The following RUNX1T1 variants were observed in gnomAD, a reference collection of about 807,000 sequenced individuals.
The protein encoded by RUNX1T1 is RUNX1 partner transcriptional co-repressor 1.
Under a neutral mutation model 62.8 loss-of-function variants are expected in RUNX1T1, and 4 were observed. That is an observed-to-expected ratio of 0.06 (90% confidence interval 0.03 to 0.15). RUNX1T1 has a LOEUF of 0.15. RUNX1T1 is among the 10% of genes least tolerant of loss of function. The probability of loss-of-function intolerance (pLI) is 1.00; values close to 1 mark genes in which losing one functional copy is unlikely to be tolerated. For missense variants in RUNX1T1, 508 were observed against 754.3 expected (o/e 0.67, Z 3.82); for synonymous variants, 291 against 286.0 (o/e 1.02, Z -0.18).
chr8:91,963,060 A>G (rs1254011797), intron 10 of RUNX1T1, among the ~76,000 whole-genome samples: 1 of 152,164 alleles, frequency 6.6e-6, no homozygotes, highest in Non-Finnish European at 1.5e-5. Context: ...GGGCTTCTTT[A>G]TTTTTTAAAG....
chr8:92,095,044 T>TC, intron 1 of RUNX1T1: 1 of 1,535,548 alleles, frequency 6.5e-7, no homozygotes, highest in Non-Finnish European at 8.7e-7. Context: ...GAGTCCTGTC[T>TC]GGATAGCAGA....
At chr8:91,990,797 A>G (rs952562124) in intron 6 of RUNX1T1, among the ~76,000 whole-genome samples, 5 of 152,072 alleles carry the variant, frequency 3.3e-5, no homozygotes, top group Non-Finnish European at 5.9e-5. Flanking sequence ...AGCTGGGGCT[A>G]GAGGCATGCA....
intron 1 of RUNX1T1, among the ~76,000 whole-genome samples, chr8:92,097,621 A>T (rs924119894): frequency 2.6e-5 from 4 of 152,192 alleles, no homozygotes; most frequent in African/African-American, 7.2e-5. Context: ...TATTTTTTTA[A>T]AAAAAATTGC....
intron 5 of RUNX1T1, among the ~76,000 whole-genome samples, chr8:91,995,076 CTCTTA>C (rs1251526489): frequency 6.6e-6 from 1 of 152,062 alleles, no homozygotes; most frequent in Non-Finnish European, 1.5e-5. Context: ...AGAAAATATC[CTCTTA>C]TCTTAGGGCA....
intron 1 of RUNX1T1, among the ~76,000 whole-genome samples, chr8:92,029,966 C>T (rs1825928988): frequency 6.6e-6 from 1 of 152,192 alleles, no homozygotes; most frequent in African/African-American, 2.4e-5. Context: ...AGTCATTCCC[C>T]TATTTAAAGT....
At chr8:92,048,588 T>C (rs927286127) in intron 1 of RUNX1T1, among the ~76,000 whole-genome samples, 1 of 150,430 alleles carries the variant, frequency 6.6e-6, no homozygotes, top group African/African-American at 2.5e-5. Flanking sequence ...AAGGGAGGGG[T>C]GGGGAAAAGT....
At position 92,014,774 on chromosome 8, in the gene RUNX1T1, G is replaced by A. The variant is rs762525955; in HGVS notation, c.192C>T (p.Pro64=). 9.4e-5 allele frequency: 151 copies of A among 1,613,782 alleles called. No homozygotes were observed. Among genetic ancestry groups the A allele is most frequent in the South Asian group, 3.7e-4 (34 of 91,070 alleles). Residue 64 remains proline (P), a synonymous_variant, in exon 3 of 11, where the codon CCC becomes CCT. Transcript: ENST00000396218. ...CATTGCTGAAGCCATTGGGTGGTGA[G>A]GGGGCGCCATTCAAGGCTGTAGGAG...
rs1394920440 is a variant in RUNX1T1 at position 92,060,547 on chromosome 8, A to ATG, written c.7+1998_7+1999insCA. Among the ~76,000 whole-genome samples the ATG allele has an allele frequency of 1.8e-4, 19 of 102,788 alleles. No homozygotes were observed. The East Asian group carries it at 1.9e-3, about 10-fold the overall frequency. 67.4% of individuals were successfully genotyped at this position (102,788 alleles called of 152,430 possible). A position where few individuals can be genotyped will look rare whatever the true frequency, so the allele number is the denominator to read the frequency against. On this transcript the variant is annotated intron_variant, in intron 1 of 10. Transcript: ENST00000396218. ...AATATATATATATATATATATATAT[A>ATG]TATATATGTGTGTGTGTGTGTGTGT...
At chr8:91,986,847 C>T (rs1161564319) in intron 7 of RUNX1T1, 40 bp downstream of exon 8, 2 of 1,341,854 alleles carry the variant, frequency 1.5e-6, no homozygotes. Context: ...CAGTTGTTTT[C>T]CAAACATTTT....
intron 3 of RUNX1T1, among the ~76,000 whole-genome samples, chr8:92,013,391 T>C (rs1822358263): frequency 6.6e-6 from 1 of 152,214 alleles, no homozygotes; most frequent in South Asian, 2.1e-4. Context: ...GCAAAATCTC[T>C]GTCAAATGTG....
At chr8:91,997,281 T>A (rs1818890021) in intron 5 of RUNX1T1, among the ~76,000 whole-genome samples, 1 of 152,064 alleles carries the variant, frequency 6.6e-6, no homozygotes, top group Non-Finnish European at 1.5e-5. Flanking sequence ...AAATCCATCA[T>A]AAAATCATGA....
intron 1 of RUNX1T1, among the ~76,000 whole-genome samples, chr8:92,033,743 G>A (rs1826704031): frequency 1.3e-5 from 2 of 152,124 alleles, no homozygotes; most frequent in African/African-American, 4.8e-5. Flanking sequence ...AGGCTGAAGC[G>A]GGCGGATCAT....
chr8:91,972,066 A>T (rs1421499242), intron 9 of RUNX1T1, among the ~76,000 whole-genome samples: 1 of 152,190 alleles, frequency 6.6e-6, no homozygotes, highest in African/African-American at 2.4e-5. Flanking sequence ...GACATGTTTC[A>T]TTCAAGTGTT....
chr8:91,981,546 C>T (rs1563661417), intron 8 of RUNX1T1, among the ~76,000 whole-genome samples: 1 of 150,764 alleles, frequency 6.6e-6, no homozygotes, highest in Non-Finnish European at 1.5e-5. Flanking sequence ...TCCCGAGTAG[C>T]TGGGACTACA....
At chr8:91,973,780 A>C (rs1203808154) in intron 9 of RUNX1T1, among the ~76,000 whole-genome samples, 1 of 152,058 alleles carries the variant, frequency 6.6e-6, no homozygotes, top group African/African-American at 2.4e-5. Context: ...ATAAAGATAA[A>C]TATTATAAGT....
At chr8:91,971,029 C>G (rs1357893784) in intron 9 of RUNX1T1, 181 bp from the exon 11 acceptor site, 1 of 455,638 alleles carries the variant, frequency 2.2e-6, no homozygotes, top group Non-Finnish European at 3.8e-6. Context: ...AGCCTTCCAG[C>G]CACCATGCCC....
chr8:92,084,896 C>T lies in RUNX1T1; in HGVS notation c.-85-8759G>A, dbSNP rs149759401. 1.8e-4 allele frequency among the ~76,000 whole-genome samples: 27 copies of T among 152,262 alleles called. 1 individual carries two copies. The East Asian group carries it at 4.4e-3, about 25-fold the overall frequency. ...CCCCCAGTGTCCATCAGGGCCAGAT[C>T]GTCTATTAAGCATTTGCTGAATGAA... On this transcript the variant is annotated intron_variant, in intron 1 of 11. Transcript: ENST00000265814.
At chr8:92,072,458 C>A (rs1424153588) in intron 2 of RUNX1T1, among the ~76,000 whole-genome samples, 1 of 152,044 alleles carries the variant, frequency 6.6e-6, no homozygotes, top group Non-Finnish European at 1.5e-5. Context: ...TATAATTAAA[C>A]AATGATTAGA....
rs143054082 is a variant in RUNX1T1, at chr8:92,043,344, C to CA, written c.7+19201dup. Among the ~76,000 whole-genome samples, 45 of 152,048 alleles carry CA rather than the reference C, an allele frequency of 3.0e-4. No individual in the cohort carries two copies. The East Asian group carries it at 8.5e-3, about 29-fold the overall frequency. On this transcript the variant is annotated intron_variant, in intron 1 of 10. Transcript: ENST00000396218. ...GTGAAATCCCTTACCAAAAATGAAA[C>CA]AGAGTTCTTTTCCTCTCTGAGTCCC...
Sources: allele counts gnomAD v4.1 joint callset (sites outside exome capture counted in the v4.1 genomes callset), GRCh38; gene constraint gnomAD v4.1.1; transcripts MANE v1.5; gene names NCBI Gene and HGNC (gene_info 2026-07-23, HGNC 2026-07-21).